The following ITGA1 variants were observed in gnomAD, a reference collection of about 807,000 sequenced individuals.
The protein encoded by ITGA1 is integrin alpha-1.
ITGA1 carries 85 observed loss-of-function variants against 145.9 expected under a neutral mutation model. That is an observed-to-expected ratio of 0.58 (90% CI 0.49 to 0.70). ITGA1 has a LOEUF of 0.70. Ranked by LOEUF, ITGA1 falls within the 30% of genes least tolerant of loss-of-function variation. The pLI is 0.00. For missense variants in ITGA1, 1,351 were observed against 1,418.7 expected, an observed-to-expected ratio of 0.95 and a Z score of 0.77; for synonymous variants, 520 against 495.3, an observed-to-expected ratio of 1.05 and a Z score of -0.66.
At chr5:52,865,929 T>A (rs1749680204) in intron 6 of ITGA1, 112 bp downstream of exon 6, 4 of 776,512 alleles carry the variant, frequency 5.2e-6, no homozygotes, top group Middle Eastern at 3.6e-4. Context: ...AAGTTGAGAA[T>A]GAATTTTATA....
intron 1 of ITGA1, among the ~76,000 whole-genome samples, chr5:52,818,920 C>T (rs1748821279): frequency 6.6e-6 from 1 of 152,142 alleles, no homozygotes; most frequent in African/African-American, 2.4e-5. Flanking sequence ...ATGTCAGTGA[C>T]TTCATACCAC....
At chr5:52,892,152 G>A (rs924326001) in intron 8 of ITGA1, among the ~76,000 whole-genome samples, 6 of 152,014 alleles carry the variant, frequency 3.9e-5, no homozygotes, top group East Asian at 1.9e-4. Flanking sequence ...TAAACATCTC[G>A]TTTTCTTTTA....
At chr5:52,936,345 G>A (rs531596282) in intron 23 of ITGA1, among the ~76,000 whole-genome samples, 2 of 152,298 alleles carry the variant, frequency 1.3e-5, no homozygotes, top group African/African-American at 4.8e-5. Context: ...TAAGAGTTAG[G>A]GAGCATGTTT....
At chr5:52,820,467 A>G (rs1748859430) in intron 1 of ITGA1, among the ~76,000 whole-genome samples, 1 of 151,248 alleles carries the variant, frequency 6.6e-6, no homozygotes, top group African/African-American at 2.4e-5. Context: ...GCACATGTAT[A>G]CATATGTAAC....
intron 28 of ITGA1, among the ~76,000 whole-genome samples, chr5:52,950,426 A>T (rs1751201287): frequency 6.6e-6 from 1 of 152,280 alleles, no homozygotes; most frequent in South Asian, 2.1e-4. Context: ...ATTCCATGTT[A>T]TATTCATTAA....
chr5:52,885,328 G>T (rs576198619), intron 7 of ITGA1, among the ~76,000 whole-genome samples: 1 of 152,224 alleles, frequency 6.6e-6, no homozygotes, highest in East Asian at 1.9e-4. Flanking sequence ...ATCATGGCCT[G>T]GTCCTTCTAG....
intron 1 of ITGA1, among the ~76,000 whole-genome samples, chr5:52,837,723 T>G (rs983400417): frequency 1.3e-5 from 2 of 151,880 alleles, no homozygotes; most frequent in African/African-American, 4.8e-5. Context: ...ATGGAAAGAA[T>G]GTAAAAGATG....
chr5:52,946,521 C>A (rs1290796857), intron 27 of ITGA1, among the ~76,000 whole-genome samples: 1 of 152,122 alleles, frequency 6.6e-6, no homozygotes, highest in African/African-American at 2.4e-5. Context: ...GTTTCTTTTT[C>A]TACCCTAATC....
chr5:52,876,160 A>G (rs1342009141), intron 6 of ITGA1, among the ~76,000 whole-genome samples: 8 of 152,138 alleles, frequency 5.3e-5, no homozygotes, highest in Admixed American at 1.3e-4. Context: ...TTAACTTGCT[A>G]TTTAATTCTC....
At chr5:52,814,868 G>A (rs1358481310) in intron 1 of ITGA1, among the ~76,000 whole-genome samples, 1 of 152,114 alleles carries the variant, frequency 6.6e-6, no homozygotes. Flanking sequence ...TAGTCCTGAT[G>A]CATCACGAAA....
At chr5:52,882,097 A>G in intron 7 of ITGA1, 76 bp downstream of exon 7, 1 of 1,269,764 alleles carries the variant, frequency 7.9e-7, no homozygotes, top group Non-Finnish European at 1.1e-6. Context: ...TTGGCATATC[A>G]ATTGAAAGTT....
At chr5:52,811,215 A>G (rs1364790231) in intron 1 of ITGA1, among the ~76,000 whole-genome samples, 1 of 152,228 alleles carries the variant, frequency 6.6e-6, no homozygotes, top group African/African-American at 2.4e-5. Context: ...GATATGGTGT[A>G]AGAACTGGCC....
At chr5:52,789,878 T>G (rs969129035) in intron 1 of ITGA1, among the ~76,000 whole-genome samples, 6 of 152,224 alleles carry the variant, frequency 3.9e-5, no homozygotes, top group African/African-American at 1.4e-4. Flanking sequence ...AGAGTGAAAC[T>G]TGAAGTAACA....
chr5:52,847,179 G>T (rs534071974), intron 1 of ITGA1, among the ~76,000 whole-genome samples: 10 of 152,150 alleles, frequency 6.6e-5, no homozygotes, highest in Admixed American at 2.6e-4. Flanking sequence ...GAAGTTTAAA[G>T]ATTACTTCTA....
chr5:52,932,915 G>A (rs1050920719), intron 22 of ITGA1: 1 of 151,996 alleles, frequency 6.6e-6, no homozygotes, highest in African/African-American at 2.4e-5. Flanking sequence ...GAGGTTCAGA[G>A]AGGCTAATTT....
In ITGA1 at chr5:52,820,267, G is replaced by A. The variant is rs1383859432; in HGVS notation, c.62-29098G>A. On this transcript the variant is annotated intron_variant, in intron 1 of 28. Coordinates refer to ENST00000282588, the MANE Select transcript of ITGA1 (RefSeq NM_181501.2). The stretch of plus-strand genomic sequence containing the variant: ...AAACCATCATTCTCAGCAAACTATC[G>A]CAAGGACAAAAAACCAAACACCACA... Among the ~76,000 whole-genome samples, 39 of 148,808 alleles carry A rather than the reference G, an allele frequency of 2.6e-4. 1 individual carries two copies. The highest frequency in any genetic ancestry group is 2.1e-4 in the South Asian group (1 of 4,672).
intron 1 of ITGA1, among the ~76,000 whole-genome samples, chr5:52,829,120 C>A (rs1010874475): frequency 2.0e-5 from 3 of 152,152 alleles, no homozygotes; most frequent in South Asian, 2.1e-4. Flanking sequence ...GATACCGATA[C>A]CGGGGATTAG....
At chr5:52,857,665 C>T (rs537070821) in intron 2 of ITGA1, among the ~76,000 whole-genome samples, 1 of 152,212 alleles carries the variant, frequency 6.6e-6, no homozygotes, top group South Asian at 2.1e-4. Flanking sequence ...GCCTAGTTTT[C>T]TTCCTTTGCT....
rs1750791603 is a variant in ITGA1, at chr5:52,925,454, T to C, written c.2580T>C (p.His860=). 1 of 1,613,812 alleles carries C rather than the reference T, an allele frequency of 6.2e-7. No individual in the cohort carries two copies. The highest frequency in any genetic ancestry group is 1.1e-5 in the South Asian group (1 of 91,012). Residue 860 remains histidine, a synonymous_variant, in exon 19 of 29, where the codon CAT becomes CAC. Transcript: ENST00000282588. ...DSAYNTRTIV[H]YSPNLVFSGI... ...CCTATAACACCAGGACAATAGTGCA[T>C]TATTCTCCAAATCTAGTTTTTTCAG...
Sources: gnomAD v4.1 joint callset for allele counts (sites outside exome capture counted in the v4.1 genomes callset) on GRCh38, gnomAD v4.1.1 for gene constraint, MANE v1.5 for transcripts, NCBI Gene and HGNC (gene_info 2026-07-23, HGNC 2026-07-21) for gene names.